The following GAS7 variants were observed in gnomAD, a reference collection of about 807,000 sequenced individuals.
GAS7 encodes growth arrest-specific protein 7.
In GAS7, 28 loss-of-function variants were observed where a neutral mutation model predicts 71.1. That is an observed-to-expected ratio of 0.39 (90% CI 0.29 to 0.54). The LOEUF is 0.54. Among genes scored for constraint, GAS7 ranks in the 20% least tolerant of loss-of-function variants. The pLI is 0.62. For synonymous variants in GAS7, 258 were observed against 245.8 expected, an observed-to-expected ratio of 1.05 and a Z score of -0.46; for missense variants, 436 against 627.8, an observed-to-expected ratio of 0.69 and a Z score of 3.27.
At chr17:10,159,098 T>TATATATATATA (rs1555538321) in intron 1 of GAS7, among the ~76,000 whole-genome samples, 52 of 45,484 alleles carry the variant, frequency 1.1e-3, no homozygotes, top group Non-Finnish European at 1.7e-3. Context: ...ATATATATAT[T>TATATATATATA]AAAGATAACA....
intron 9 of GAS7, 110 bp downstream of exon 9, chr17:9,934,056 A>C (rs2068304002): frequency 1.3e-6 from 1 of 764,122 alleles, no homozygotes; most frequent in African/African-American, 1.7e-5. Flanking sequence ...GATAGCCTGA[A>C]GTTTACACCA....
chr17:10,083,241 C>T (rs1340192427), intron 1 of GAS7, among the ~76,000 whole-genome samples: 4 of 152,188 alleles, frequency 2.6e-5, no homozygotes, highest in Non-Finnish European at 4.4e-5. Flanking sequence ...ATTAAACAGA[C>T]TTTAGGCCAG....
intron 2 of GAS7, among the ~76,000 whole-genome samples, chr17:9,991,593 G>C (rs1445802555): frequency 6.6e-6 from 1 of 152,070 alleles, no homozygotes; most frequent in Admixed American, 6.5e-5. Flanking sequence ...GAATTCGAAG[G>C]GTCGCAGGGA....
At chr17:9,923,377 CA>C (rs11316459) in intron 11 of GAS7, among the ~76,000 whole-genome samples, 70,334 of 144,640 alleles carry the variant, frequency 0.49, 17,058 homozygotes, top group African/African-American at 0.62. Flanking sequence ...GACAAACAAG[CA>C]AAAAAAAAAA....
chr17:10,131,231 G>GT (rs1369979996), intron 1 of GAS7, among the ~76,000 whole-genome samples: 1 of 152,190 alleles, frequency 6.6e-6, no homozygotes, highest in African/African-American at 2.4e-5. Context: ...TGATTACTGA[G>GT]TTTTACTTTC....
rs140927009 is a variant in GAS7 at position 9,965,752 on chromosome 17, A to T, written c.471+3925T>A. ...CGAATCAGGTGGGCTGCATTTACCC[A>T]GTACCTGGGCCGACTGCCCCAGGGC... On this transcript the variant is annotated intron_variant, in intron 4 of 13. Transcript: ENST00000432992. 1.8e-3 allele frequency among the ~76,000 whole-genome samples: 272 copies of T among 152,312 alleles called. 3 individuals are homozygous for T. Among genetic ancestry groups the T allele is most frequent in the African/African-American group, 6.3e-3 (260 of 41,568 alleles).
chr17:10,102,277 G>A (rs1056187434), intron 1 of GAS7, among the ~76,000 whole-genome samples: 1 of 146,356 alleles, frequency 6.8e-6, no homozygotes, highest in Non-Finnish European at 1.5e-5. Flanking sequence ...TTCTAATTCA[G>A]AGGGGAGCAC....
intron 1 of GAS7, among the ~76,000 whole-genome samples, chr17:10,116,880 T>C (rs897070303): frequency 2.6e-5 from 4 of 151,220 alleles, no homozygotes; most frequent in Non-Finnish European, 5.9e-5. Context: ...TGGAAGGTGA[T>C]AAATGATGAG....
chr17:10,173,052 T>C (rs1291611743), intron 1 of GAS7, among the ~76,000 whole-genome samples: 1 of 152,174 alleles, frequency 6.6e-6, no homozygotes, highest in African/African-American at 2.4e-5. Flanking sequence ...CCTGAAGACA[T>C]CATGTCAACG....
chr17:10,084,252 G>C (rs554495480), intron 1 of GAS7, among the ~76,000 whole-genome samples: 24 of 152,170 alleles, frequency 1.6e-4, no homozygotes, highest in African/African-American at 5.5e-4. Context: ...TTTTTAGGGG[G>C]AGAATAAAAA....
chr17:10,066,629 C>T (rs1427832387), intron 1 of GAS7, among the ~76,000 whole-genome samples: 1 of 152,226 alleles, frequency 6.6e-6, no homozygotes, highest in Non-Finnish European at 1.5e-5. Flanking sequence ...AGCCACTGTG[C>T]CTGGCCTACA....
chr17:10,164,659 T>C (rs538296733), intron 1 of GAS7, among the ~76,000 whole-genome samples: 27 of 148,682 alleles, frequency 1.8e-4, no homozygotes, highest in Admixed American at 1.1e-3. Flanking sequence ...TTGGGCAACA[T>C]AGCAAAACCT....
intron 2 of GAS7, among the ~76,000 whole-genome samples, chr17:10,010,779 G>A (rs1323775891): frequency 1.3e-5 from 2 of 152,144 alleles, no homozygotes; most frequent in African/African-American, 4.8e-5. Flanking sequence ...GTAATTTATT[G>A]AATACTGAAC....
At chr17:10,145,475 C>T (rs2074114489) in intron 1 of GAS7, among the ~76,000 whole-genome samples, 1 of 152,202 alleles carries the variant, frequency 6.6e-6, no homozygotes, top group Non-Finnish European at 1.5e-5. Flanking sequence ...GCAGTAGAGG[C>T]TTGGATGAAA....
chr17:10,041,157 C>CT (rs2072858591), intron 1 of GAS7, among the ~76,000 whole-genome samples: 2 of 89,876 alleles, frequency 2.2e-5, no homozygotes, highest in Admixed American at 1.1e-4. Flanking sequence ...GCAAGACTGC[C>CT]TAAAAAAAAA....
chr17:10,164,431 ACT>A (rs1276199733), intron 1 of GAS7, among the ~76,000 whole-genome samples: 1 of 135,106 alleles, frequency 7.4e-6, no homozygotes, highest in Non-Finnish European at 1.6e-5. Context: ...ACAAAGTGAG[ACT>A]CTGTCTCAAA....
chr17:10,119,453 A>T (rs2073888286), intron 1 of GAS7, among the ~76,000 whole-genome samples: 1 of 152,224 alleles, frequency 6.6e-6, no homozygotes, highest in South Asian at 2.1e-4. Flanking sequence ...AAAGGTTAGA[A>T]AAGAGCATGT....
chr17:10,080,654 C>T (rs969732176), intron 1 of GAS7, among the ~76,000 whole-genome samples: 1 of 152,168 alleles, frequency 6.6e-6, no homozygotes, highest in Admixed American at 6.5e-5. Context: ...AGATAGGAAG[C>T]CCAATATTAC....
intron 2 of GAS7, among the ~76,000 whole-genome samples, chr17:10,002,929 A>C (rs2071326947): frequency 6.6e-6 from 1 of 152,240 alleles, no homozygotes; most frequent in Non-Finnish European, 1.5e-5. Flanking sequence ...TATACCCAGC[A>C]ATAGGATGGC....
Sources: allele counts gnomAD v4.1 joint callset (sites outside exome capture counted in the v4.1 genomes callset), GRCh38; gene constraint gnomAD v4.1.1; transcripts MANE v1.5; gene names NCBI Gene and HGNC (gene_info 2026-07-23, HGNC 2026-07-21).